The following PGS1 variants were observed in gnomAD, a reference collection of about 807,000 sequenced individuals.
The protein encoded by PGS1 is phosphatidylglycerophosphate synthase 1, also known as CDP-diacylglycerol--glycerol-3-phosphate 3-phosphatidyltransferase, mitochondrial.
A neutral mutation model predicts 58.3 loss-of-function variants in PGS1; 44 were observed. That is an observed-to-expected ratio of 0.75 (90% CI 0.59 to 0.97). The LOEUF (loss-of-function observed/expected upper bound fraction) is 0.97, where lower values mean the gene tolerates loss of function less well. Among genes scored for constraint, PGS1 ranks in the 50% least tolerant of loss-of-function variants. The pLI is 0.00. For missense variants in PGS1, 684 were observed against 731.1 expected, an observed-to-expected ratio of 0.94 and a Z score of 0.74; for synonymous variants, 330 against 311.0, an observed-to-expected ratio of 1.06 and a Z score of -0.64.
chr17:78,392,449 G>C, intron 1 of PGS1, 27 bp from the exon 2 acceptor site: 1 of 1,567,440 alleles, frequency 6.4e-7, no homozygotes, highest in Non-Finnish European at 8.7e-7. Flanking sequence ...TTTGAGGTGT[G>C]ACCCAGTTGC....
chr17:78,383,330 G>C (rs147365563), intron 1 of PGS1, among the ~76,000 whole-genome samples: 3 of 151,922 alleles, frequency 2.0e-5, no homozygotes, highest in African/African-American at 4.8e-5. Context: ...GGCTTCAAGC[G>C]ATTCTCCTGC....
At chr17:78,406,317 C>CA (rs1486062918) in intron 7 of PGS1, among the ~76,000 whole-genome samples, 1 of 150,708 alleles carries the variant, frequency 6.6e-6, no homozygotes, top group Non-Finnish European at 1.5e-5. Context: ...GACTCTGTCT[C>CA]AAAAAAAGAA....
chr17:78,387,296 G>A (rs1168457706), intron 1 of PGS1, among the ~76,000 whole-genome samples: 5 of 151,184 alleles, frequency 3.3e-5, no homozygotes, highest in South Asian at 4.2e-4. Context: ...GAGCCACTGC[G>A]CCCAGCCTTT....
rs779972771 is a variant in PGS1, at chr17:78,400,816, A to G, written c.841A>G (p.Thr281Ala). 9 of 1,612,906 alleles carry G rather than the reference A, an allele frequency of 5.6e-6. No homozygotes were observed. The South Asian group carries it at 9.9e-5, about 18-fold the overall frequency. ...DVSLQLQGDD[T>A]VQVVDGMVHP... ...GTCCCTGCAGCTGCAGGGGGACGAC[A>G]CGGTGCAGGTGGTGGATGGGATGGT... The change falls in exon 6 of 10, where the codon ACG becomes GCG. Residue 281 changes from threonine to alanine, a missense_variant. Thr to Ala is a moderately conservative substitution (Grantham distance 58, BLOSUM62 0). Transcript: ENST00000262764. This position sits in a 1 kb window ranked among gnomAD's most constrained non-coding sequence, Gnocchi z 4.4.
At chr17:78,398,992 T>TG (rs1377236344) in intron 4 of PGS1, among the ~76,000 whole-genome samples, 1 of 152,148 alleles carries the variant, frequency 6.6e-6, no homozygotes, top group Non-Finnish European at 1.5e-5. Flanking sequence ...CTCATGGAGC[T>TG]GGGGGTGAGG....
chr17:78,402,696 C>G (rs897299814), intron 6 of PGS1, among the ~76,000 whole-genome samples: 1 of 152,178 alleles, frequency 6.6e-6, no homozygotes, highest in African/African-American at 2.4e-5. Context: ...GATCTGCCCG[C>G]TCCTGCCTCC....
Position 78,404,017 on chromosome 17 carries a change from T to C in PGS1, c.1330T>C (p.Cys444Arg), listed in dbSNP as rs2083904482. Residue 444 changes from cysteine (C) to arginine (R), a missense_variant, in exon 7 of 10, where the codon TGC becomes CGC. Cys to Arg is a radical substitution (Grantham distance 180, BLOSUM62 -3). Transcript: ENST00000262764. Reference protein sequence around the residue: ...HIERQFFSEVCSLGQQERVQL... With the variant: ...HIERQFFSEVRSLGQQERVQL... ...CGAGCGACAGTTCTTCAGTGAGGTGTGCAGCCTGGGACAGCAGGAGCGGGT... is the reference window on the plus strand; with the variant it reads ...CGAGCGACAGTTCTTCAGTGAGGTGCGCAGCCTGGGACAGCAGGAGCGGGT... 1.2e-6 allele frequency: 2 copies of C among 1,613,280 alleles called. No homozygotes were observed. Among genetic ancestry groups the C allele is most frequent in the Non-Finnish European group, 1.7e-6 (2 of 1,179,626 alleles).
intron 3 of PGS1, among the ~76,000 whole-genome samples, chr17:78,396,672 G>T (rs73998882): frequency 6.6e-6 from 1 of 152,268 alleles, no homozygotes; most frequent in East Asian, 1.9e-4. Context: ...CTGTCTGCCA[G>T]TTCAGGGCTT....
At chr17:78,422,987 TTGGGAGG>T (rs1211301785) in intron 9 of PGS1, among the ~76,000 whole-genome samples, 8 of 151,936 alleles carry the variant, frequency 5.3e-5, no homozygotes, top group African/African-American at 1.9e-4. Flanking sequence ...CCCCAGCTAC[TTGGGAGG>T]TTGAGGCAGG....
At chr17:78,390,890 C>G (rs2082775867) in intron 1 of PGS1, among the ~76,000 whole-genome samples, 1 of 152,112 alleles carries the variant, frequency 6.6e-6, no homozygotes, top group Non-Finnish European at 1.5e-5. Flanking sequence ...GGTGTGTGAC[C>G]CCACCAAACA....
At chr17:78,391,585 C>T (rs1490666468) in intron 1 of PGS1, among the ~76,000 whole-genome samples, 1 of 152,196 alleles carries the variant, frequency 6.6e-6, no homozygotes, top group Non-Finnish European at 1.5e-5. Flanking sequence ...TCAAGCAATT[C>T]TCCTGCCTTA....
rs754003335 is a variant in PGS1 at position 78,424,441 on chromosome 17, C to T, written c.*391C>T. On this transcript the variant is annotated 3_prime_UTR_variant, in exon 10 of 10. Transcript: ENST00000262764. Reference sequence around the variant, plus strand: ...GAGCCTCATCTGTCAGCCTTAATGTCAGTGGCAGGAAGTCATAACTCCAGC... The same window carrying T: ...GAGCCTCATCTGTCAGCCTTAATGTTAGTGGCAGGAAGTCATAACTCCAGC... 7 of 383,340 alleles carry T rather than the reference C, an allele frequency of 1.8e-5. No individual in the cohort carries two copies. Among genetic ancestry groups the T allele is most frequent in the Non-Finnish European group, 3.3e-5 (7 of 211,060 alleles). The allele number at this position is 383,340 out of a possible 1,614,324, so 23.7% of individuals were successfully genotyped here.
chr17:78,413,231 A>G (rs79388987), intron 7 of PGS1, among the ~76,000 whole-genome samples: 1,832 of 152,306 alleles, frequency 0.012, 25 homozygotes, highest in South Asian at 0.022. Flanking sequence ...CTTACCCAAG[A>G]TGTTCTTGGA....
In PGS1 at chr17:78,399,436, C is replaced by G. The variant is rs761578635; in HGVS notation, c.600C>G (p.Leu200=). Residue 200 remains leucine (L), a synonymous_variant, in exon 5 of 10, where the codon CTC becomes CTG. Transcript: ENST00000262764. ...VRVSLFHTPH[L]RGLLRLLIPE... is the part of the protein sequence containing the mutation. ...TCTCCCTCTTTCACACGCCGCACCT[C>G]CGTGGGCTGCTTCGGCTCCTCATCC... 1.2e-6 allele frequency: 2 copies of G among 1,614,182 alleles called. No individual in the cohort carries two copies. The highest frequency in any genetic ancestry group is 1.7e-6 in the Non-Finnish European group (2 of 1,180,026).
rs114912715 is a variant in PGS1, at chr17:78,415,668, C to T, written c.1551+641C>T. ...AGGGTTCAACAGTGGTTTCGGCCCT[C>T]GTTTGATAATAGTAGCCCATTTTCT... On this transcript the variant is annotated intron_variant, in intron 8 of 9. Transcript: ENST00000262764. 4.7e-3 allele frequency among the ~76,000 whole-genome samples: 722 copies of T among 152,258 alleles called. 10 individuals carry two copies. The highest frequency in any genetic ancestry group is 0.017 in the African/African-American group (695 of 41,556).
At chr17:78,416,345 C>G (rs114079136) in intron 8 of PGS1, among the ~76,000 whole-genome samples, 2,129 of 152,352 alleles carry the variant, frequency 0.014, 44 homozygotes, top group African/African-American at 0.048. Flanking sequence ...CAACAGCGGG[C>G]TTTCCTGGAC....
chr17:78,421,187 C>T (rs1260248452), intron 9 of PGS1: 3 of 152,198 alleles, frequency 2.0e-5, no homozygotes, highest in Admixed American at 2.0e-4. Context: ...GCCAGCTCTC[C>T]ATATCCCCCA....
intron 7 of PGS1, among the ~76,000 whole-genome samples, chr17:78,411,149 C>T (rs567394598): frequency 2.6e-5 from 4 of 152,248 alleles, no homozygotes; most frequent in Admixed American, 1.3e-4. Context: ...CGTCTGGGGC[C>T]GGAGTTTCCT....
chr17:78,408,409 A>G (rs2084339282), intron 7 of PGS1, among the ~76,000 whole-genome samples: 1 of 152,172 alleles, frequency 6.6e-6, no homozygotes, highest in African/African-American at 2.4e-5. Flanking sequence ...TTTCCTGTGC[A>G]GTCGGGGGGA....
Sources: gnomAD v4.1 joint callset for allele counts (sites outside exome capture counted in the v4.1 genomes callset) on GRCh38, gnomAD v4.1.1 for gene constraint, Gnocchi (gnomAD v3.1) non-coding constraint, MANE v1.5 for transcripts, NCBI Gene and HGNC (gene_info 2026-07-23, HGNC 2026-07-21) for gene names.